The following GIMAP1 variants were observed in gnomAD, a reference collection of about 807,000 sequenced individuals.
The protein encoded by GIMAP1 is GTPase IMAP family member 1.
For missense variants in GIMAP1, 423 were observed against 411.9 expected (o/e 1.03, Z -0.23); for synonymous variants, 230 against 187.7 (o/e 1.23, Z -1.84).
At position 150,721,064 on chromosome 7, in the gene GIMAP1, AC is replaced by A; in HGVS notation, c.*141del. ...ATGACACAGAAAACTTTGCTGCATC[AC>A]CTTTGCAACTTTGCCAAAGCTCAGA... On this transcript the variant is annotated 3_prime_UTR_variant, in exon 3 of 3. Coordinates refer to ENST00000307194, the MANE Select transcript of GIMAP1 (RefSeq NM_130759.4). 1 of 754,212 alleles carries A rather than the reference AC, an allele frequency of 1.3e-6. No homozygotes were observed. The highest frequency in any genetic ancestry group is 3.2e-5 in the East Asian group (1 of 31,446). 46.7% of individuals were successfully genotyped at this position (754,212 alleles called of 1,614,324 possible).
In GIMAP1 at chr7:150,720,304, G is replaced by C; in HGVS notation, c.300G>C (p.Glu100Asp). Residue 100 changes from glutamate (E) to aspartate (D), a missense_variant, in exon 3 of 3, where the codon GAG becomes GAC. Glu to Asp is a conservative substitution (Grantham distance 45). Coordinates refer to ENST00000307194, the MANE Select transcript of GIMAP1 (RefSeq NM_130759.4). The surrounding 1 kb of genome is among the most constrained non-coding windows in gnomAD (Gnocchi z 4.5). ...CCAAGACAGATCCTGGCTGTGAGGA[G>C]AGAGGTCACTGCTACCTGCTCTCGG... Reference protein sequence around the residue: ...QVSKTDPGCEERGHCYLLSAP... With the variant: ...QVSKTDPGCEDRGHCYLLSAP... 6.2e-7 allele frequency: 1 copy of C among 1,614,234 alleles called. No homozygotes were observed. The highest frequency in any genetic ancestry group is 8.5e-7 in the Non-Finnish European group (1 of 1,180,046).
At position 150,720,701 on chromosome 7, in the gene GIMAP1, T is replaced by A; in HGVS notation, c.697T>A (p.Trp233Arg). The change falls in exon 3 of 3, where the codon TGG (tryptophan) becomes AGG (arginine). Residue 233 changes from tryptophan (W) to arginine (R), a missense_variant. Transcript: ENST00000307194. This position sits in a 1 kb window ranked among gnomAD's most constrained non-coding sequence, Gnocchi z 4.5. ...EVYELAQVLR[W>R]AGPEERLRRV... The stretch of plus-strand genomic sequence containing the variant: ...GTATGAGCTGGCGCAGGTGCTGCGC[T>A]GGGCAGGCCCTGAGGAGCGGCTCCG... 1 of 1,585,252 alleles carries A rather than the reference T, an allele frequency of 6.3e-7. No individual in the cohort carries two copies. The highest frequency in any genetic ancestry group is 1.1e-5 in the South Asian group (1 of 88,210).
rs1289481702 is a variant in GIMAP1, at chr7:150,723,252, C to A, written c.*2327C>A. The A allele has an allele frequency of 6.6e-6, 1 of 151,776 alleles. No individual in the cohort carries two copies. Among genetic ancestry groups the A allele is most frequent in the Admixed American group, 6.6e-5 (1 of 15,250 alleles). 9.4% of individuals were successfully genotyped at this position (151,776 alleles called of 1,614,324 possible). ...TCATCTTTGTATCCCCGTTATACAACCCAGTGCCTGGCATAGAAAGTGGGA... is the reference window on the plus strand; with the variant it reads ...TCATCTTTGTATCCCCGTTATACAAACCAGTGCCTGGCATAGAAAGTGGGA... On this transcript the variant is annotated 3_prime_UTR_variant, in exon 3 of 3. Coordinates refer to ENST00000307194, the MANE Select transcript of GIMAP1 (RefSeq NM_130759.4).
chr7:150,720,363 A>T lies in GIMAP1; in HGVS notation c.359A>T (p.Gln120Leu). The T allele has an allele frequency of 6.2e-7, 1 of 1,608,966 alleles. No individual in the cohort carries two copies. The highest frequency in any genetic ancestry group is 8.5e-7 in the Non-Finnish European group (1 of 1,176,804). The part of the protein sequence containing the change: ...PGPHALLLVT[Q>L]LGRFTAQDQQ... ...CCCCACGCGCTGCTCCTGGTGACCCAGTTGGGTCGGTTCACCGCCCAGGAC... is the reference window on the plus strand; with the variant it reads ...CCCCACGCGCTGCTCCTGGTGACCCTGTTGGGTCGGTTCACCGCCCAGGAC... The change falls in exon 3 of 3, where the codon CAG becomes CTG. Residue 120 changes from glutamine to leucine, a missense_variant. By Grantham distance (113) the Gln-to-Leu change is moderately radical. Transcript: ENST00000307194. This position sits in a 1 kb window ranked among gnomAD's most constrained non-coding sequence, Gnocchi z 4.5.
At chr7:150,716,966 A>G (rs1012566815) in intron 1 of GIMAP1, among the ~76,000 whole-genome samples, 14 of 152,128 alleles carry the variant, frequency 9.2e-5, no homozygotes, top group Non-Finnish European at 1.5e-4. Flanking sequence ...GTAAGAAAAG[A>G]GTGTGCTGGA....
At chr7:150,718,928 C>A in intron 1 of GIMAP1, 114 bp from the exon 2 acceptor site, 2 of 1,398,526 alleles carry the variant, frequency 1.4e-6, no homozygotes, top group South Asian at 1.2e-5. Flanking sequence ...ACTGTGCTGT[C>A]ACCAGCTCTT....
chr7:150,720,002 G>A lies in GIMAP1; in HGVS notation c.44-46G>A. The A allele has an allele frequency of 6.6e-7, 1 of 1,506,718 alleles. No individual in the cohort carries two copies. The highest frequency in any genetic ancestry group is 8.9e-7 in the Non-Finnish European group (1 of 1,128,692). The allele number at this position is 1,506,718 out of a possible 1,614,324, so 93.3% of individuals were successfully genotyped here. On this transcript the variant is annotated intron_variant, in intron 2 of 2. Transcript: ENST00000307194. This position sits in a 1 kb window ranked among gnomAD's most constrained non-coding sequence, Gnocchi z 4.5. ...GGCAAGAAGATTCCAGTTCCCAAGG[G>A]GAAGTTGGTTAAACTTAAGTAAGAT... is the stretch of plus-strand genomic sequence containing the variant.
rs1797336132 is a variant in GIMAP1 at position 150,723,423 on chromosome 7, TTAA to T, written c.*2500_*2502del. On this transcript the variant is annotated 3_prime_UTR_variant, in exon 3 of 3. Coordinates refer to ENST00000307194, the MANE Select transcript of GIMAP1 (RefSeq NM_130759.4). ...TCTTTCGCGCAAGCATGTCATTGTA[TTAA>T]TGATATTCTCCTGCCCTAAGGAAAT... 6.6e-6 allele frequency: 1 copy of T among 152,216 alleles called. No individual in the cohort carries two copies. Among genetic ancestry groups the T allele is most frequent in the Non-Finnish European group, 1.5e-5 (1 of 68,030 alleles). 9.4% of individuals were successfully genotyped at this position (152,216 alleles called of 1,614,324 possible).
In GIMAP1 at chr7:150,720,848, CTGG is replaced by C; in HGVS notation, c.845_847del (p.Leu282_Gly283delinsArg). ...CTGGAGGCTGGGCCTGGCCCTGCTG[CTGG>C]GGGGCGCGCTCCTGTTCTGGGTGCT... is the stretch of plus-strand genomic sequence containing the variant. On this transcript the variant is annotated inframe_deletion, in exon 3 of 3. Coordinates refer to ENST00000307194, the MANE Select transcript of GIMAP1 (RefSeq NM_130759.4). The surrounding 1 kb of genome is among the most constrained non-coding windows in gnomAD (Gnocchi z 4.5). The C allele has an allele frequency of 6.2e-7, 1 of 1,605,950 alleles. No individual in the cohort carries two copies. Among genetic ancestry groups the C allele is most frequent in the Non-Finnish European group, 8.5e-7 (1 of 1,178,670 alleles).
Position 150,719,106 on chromosome 7 carries a change from T to C in GIMAP1, c.43+16T>C, listed in dbSNP as rs754647978. ...AATGTCTATGGTAAGACCATATCTCTACACCTCATACTTGCCCCCCTAGGC... is the reference window on the plus strand; with the variant it reads ...AATGTCTATGGTAAGACCATATCTCCACACCTCATACTTGCCCCCCTAGGC... On this transcript the variant is annotated intron_variant, in intron 2 of 2. Coordinates refer to ENST00000307194, the MANE Select transcript of GIMAP1 (RefSeq NM_130759.4). The C allele has an allele frequency of 1.9e-6, 3 of 1,613,642 alleles. No individual in the cohort carries two copies. In the African/African-American group the frequency reaches 4.0e-5, roughly 22 times the overall value.
chr7:150,720,436 A>C lies in GIMAP1; in HGVS notation c.432A>C (p.Leu144=), dbSNP rs770477054. 3.8e-6 allele frequency: 6 copies of C among 1,574,264 alleles called. No homozygotes were observed. Among genetic ancestry groups the C allele is most frequent in the Non-Finnish European group, 4.3e-6 (5 of 1,158,712 alleles). Residue 144 remains leucine, a synonymous_variant, in exon 3 of 3, where the codon CTA becomes CTC. Coordinates refer to ENST00000307194, the MANE Select transcript of GIMAP1 (RefSeq NM_130759.4). This position sits in a 1 kb window ranked among gnomAD's most constrained non-coding sequence, Gnocchi z 4.5. ...GGGACATGTTCGGGGAGGACGTCCT[A>C]AAATGGATGGTCATCGTCTTCACCA... ...QVRDMFGEDV[L]KWMVIVFTRK...
rs1797296288 is a variant in GIMAP1, at chr7:150,721,015, C to A, written c.*90C>A. 1 of 1,230,048 alleles carries A rather than the reference C, an allele frequency of 8.1e-7. No individual in the cohort carries two copies. The highest frequency in any genetic ancestry group is 1.1e-6 in the Non-Finnish European group (1 of 924,900). The allele number at this position is 1,230,048 out of a possible 1,614,324, so 76.2% of individuals were successfully genotyped here. A position where few individuals can be genotyped will look rare whatever the true frequency, so the allele number is the denominator to read the frequency against. ...AAAACTTCATTCCAACGGAAGGAAT[C>A]CTGTAGTTTCAGGCATAGTTTTAAT... On this transcript the variant is annotated 3_prime_UTR_variant, in exon 3 of 3. Coordinates refer to ENST00000307194, the MANE Select transcript of GIMAP1 (RefSeq NM_130759.4).
In GIMAP1 at chr7:150,720,297, G is replaced by A. The variant is rs1797277991; in HGVS notation, c.293G>A (p.Cys98Tyr). The A allele has an allele frequency of 6.2e-7, 1 of 1,614,246 alleles. No homozygotes were observed. The highest frequency in any genetic ancestry group is 8.5e-7 in the Non-Finnish European group (1 of 1,180,046). The change falls in exon 3 of 3, where the codon TGT becomes TAT. Residue 98 changes from cysteine (C) to tyrosine (Y), a missense_variant. Physicochemically the swap from Cys to Tyr is radical, Grantham distance 194. Transcript: ENST00000307194. This position sits in a 1 kb window ranked among gnomAD's most constrained non-coding sequence, Gnocchi z 4.5. ...SSQVSKTDPG[C>Y]EERGHCYLLS... ...CAAGTGTCCAAGACAGATCCTGGCTGTGAGGAGAGAGGTCACTGCTACCTG... is the reference window on the plus strand; with the variant it reads ...CAAGTGTCCAAGACAGATCCTGGCTATGAGGAGAGAGGTCACTGCTACCTG...
intron 1 of GIMAP1, among the ~76,000 whole-genome samples, 153 bp downstream of exon 1, chr7:150,716,843 T>C (rs952321595): frequency 2.6e-5 from 4 of 151,896 alleles, no homozygotes; most frequent in African/African-American, 9.7e-5. Flanking sequence ...TACTTCCAGG[T>C]TTTTAAGTAG....
intron 1 of GIMAP1, among the ~76,000 whole-genome samples, chr7:150,718,211 G>A (rs1797245191): frequency 6.6e-6 from 1 of 152,170 alleles, no homozygotes; most frequent in Admixed American, 6.5e-5. Context: ...AGGAGCTTGT[G>A]TGATTAGGCA....
rs962997100 is a variant in GIMAP1, at chr7:150,722,544, A to G, written c.*1619A>G. 1 of 152,324 alleles carries G rather than the reference A, an allele frequency of 6.6e-6. No homozygotes were observed. The highest frequency in any genetic ancestry group is 1.5e-5 in the Non-Finnish European group (1 of 68,114). The allele number at this position is 152,324 out of a possible 1,614,324, so 9.4% of individuals were successfully genotyped here. A position where few individuals can be genotyped will look rare whatever the true frequency, so the allele number is the denominator to read the frequency against. ...GGCAGGGGCCTCGAGCCAGGGAAGG[A>G]TCCTTTGATGACCAGAGGGGACAGC... On this transcript the variant is annotated 3_prime_UTR_variant, in exon 3 of 3. Coordinates refer to ENST00000307194, the MANE Select transcript of GIMAP1 (RefSeq NM_130759.4).
rs1344348046 is a variant in GIMAP1 at position 150,720,788 on chromosome 7, G to T, written c.784G>T (p.Ala262Ser). The change falls in exon 3 of 3, where the codon GCC becomes TCC. Residue 262 changes from alanine (A) to serine (S), a missense_variant. Transcript: ENST00000307194. This position sits in a 1 kb window ranked among gnomAD's most constrained non-coding sequence, Gnocchi z 4.5. ...QRRPWGAWLS[A>S]RLWKWLKSPR... ...GAGGCCATGGGGCGCCTGGCTGTCG[G>T]CCCGGCTGTGGAAGTGGCTGAAGTC... 4.4e-6 allele frequency: 7 copies of T among 1,581,756 alleles called. No homozygotes were observed. Among genetic ancestry groups the T allele is most frequent in the Non-Finnish European group, 6.0e-6 (7 of 1,164,924 alleles).
In GIMAP1 at chr7:150,721,494, ATAT is replaced by A. The variant is rs1156956510; in HGVS notation, c.*573_*575del. The A allele has an allele frequency of 1.3e-5, 2 of 152,252 alleles. No homozygotes were observed. The highest frequency in any genetic ancestry group is 2.9e-5 in the Non-Finnish European group (2 of 68,058). 9.4% of individuals were successfully genotyped at this position (152,252 alleles called of 1,614,324 possible). ...ATAACAGTTTCCACTTTTCTAGAACATATTATGGTTCATGGCATTCCAAAATGA... is the reference window on the plus strand; with the variant it reads ...ATAACAGTTTCCACTTTTCTAGAACATATGGTTCATGGCATTCCAAAATGA... On this transcript the variant is annotated 3_prime_UTR_variant, in exon 3 of 3. Coordinates refer to ENST00000307194, the MANE Select transcript of GIMAP1 (RefSeq NM_130759.4).
rs1797312097 is a variant in GIMAP1 at position 150,721,958 on chromosome 7, G to A, written c.*1033G>A. On this transcript the variant is annotated 3_prime_UTR_variant, in exon 3 of 3. Transcript: ENST00000307194. Reference sequence around the variant, plus strand: ...GCTCCTCTCTGGTTATGGAGAAGAGGCAGAGCACCAGGTGCATAGGCTGAG... The same window carrying A: ...GCTCCTCTCTGGTTATGGAGAAGAGACAGAGCACCAGGTGCATAGGCTGAG... 2 of 151,764 alleles carry A rather than the reference G, an allele frequency of 1.3e-5. No individual in the cohort carries two copies. The highest frequency in any genetic ancestry group is 4.1e-4 in the South Asian group (2 of 4,822). 9.4% of individuals were successfully genotyped at this position (151,764 alleles called of 1,614,324 possible).
Sources: gnomAD v4.1 joint callset for allele counts (sites outside exome capture counted in the v4.1 genomes callset) on GRCh38, gnomAD v4.1.1 for gene constraint, Gnocchi (gnomAD v3.1) non-coding constraint, MANE v1.5 for transcripts, NCBI Gene and HGNC (gene_info 2026-07-23, HGNC 2026-07-21) for gene names.